ABL1: variants seen among roughly 807,000 people sequenced by gnomAD.
The protein encoded by ABL1 is tyrosine-protein kinase ABL1.
ABL1 carries 11 observed loss-of-function variants against 94.7 expected under a neutral mutation model. That is an observed-to-expected ratio of 0.12 (90% CI 0.07 to 0.19). The LOEUF (loss-of-function observed/expected upper bound fraction) is 0.19, where lower values mean the gene tolerates loss of function less well. Ranked by LOEUF, ABL1 falls within the 10% of genes least tolerant of loss-of-function variation. The probability of loss-of-function intolerance (pLI) is 1.00; values close to 1 mark genes in which losing one functional copy is unlikely to be tolerated. For synonymous variants in ABL1, 656 were observed against 622.4 expected (o/e 1.05, Z -0.80); for missense variants, 1,082 against 1,489.4 (o/e 0.73, Z 4.50).
At chr9:130,725,824 G>GTATTTTTTT (rs1831574389) in intron 1 of ABL1, among the ~76,000 whole-genome samples, 1 of 76,002 alleles carries the variant, frequency 1.3e-5, no homozygotes, top group Non-Finnish European at 2.4e-5. Flanking sequence ...GTGTATGGTG[G>GTATTTTTTT]TTTTTTTTTT....
At chr9:130,756,693 T>C (rs930913779) in intron 1 of ABL1, among the ~76,000 whole-genome samples, 4 of 152,186 alleles carry the variant, frequency 2.6e-5, no homozygotes, top group South Asian at 4.1e-4. Context: ...TCTTCAGATA[T>C]CTAAAAGAAA....
At chr9:130,855,927 T>C (rs1335274872) in intron 3 of ABL1, among the ~76,000 whole-genome samples, 1 of 152,108 alleles carries the variant, frequency 6.6e-6, no homozygotes, top group Non-Finnish European at 1.5e-5. Flanking sequence ...TTTGTTTGTT[T>C]GTTTTTGAGA....
intron 1 of ABL1, among the ~76,000 whole-genome samples, chr9:130,773,706 T>C (rs1357379772): frequency 6.8e-6 from 1 of 148,084 alleles, no homozygotes; most frequent in African/African-American, 2.5e-5. Context: ...GGTCTTAAAC[T>C]CATGGGCTCA....
intron 1 of ABL1, among the ~76,000 whole-genome samples, chr9:130,785,939 A>G (rs1829820182): frequency 1.3e-5 from 2 of 150,990 alleles, no homozygotes; most frequent in South Asian, 4.2e-4. Context: ...AAAAAAAAAA[A>G]AAAAAAAAAA....
chr9:130,762,794 C>T lies in ABL1; in HGVS notation c.136+48339C>T, dbSNP rs1405105340. ...GGTGTGGTAGCGGGTGCCTGTAGTC[C>T]CAGCTACTCGGGAGGCTGAGGCAGG... On this transcript the variant is annotated intron_variant, in intron 1 of 10. Transcript: ENST00000372348. 7.2e-5 allele frequency among the ~76,000 whole-genome samples: 11 copies of T among 151,930 alleles called. No individual in the cohort carries two copies. In the East Asian group the frequency reaches 1.7e-3, roughly 24 times the overall value.
At chr9:130,716,003 T>G (rs2132664349) in intron 1 of ABL1, among the ~76,000 whole-genome samples, 1 of 150,112 alleles carries the variant, frequency 6.7e-6, no homozygotes, top group Admixed American at 6.7e-5. Flanking sequence ...GCACTCACAG[T>G]TAAACAAACT....
chr9:130,798,137 A>C (rs1830004785), intron 1 of ABL1, among the ~76,000 whole-genome samples: 1 of 152,250 alleles, frequency 6.6e-6, no homozygotes, highest in Non-Finnish European at 1.5e-5. Context: ...AAACAAAATA[A>C]GAAAAATCTT....
chr9:130,880,257 G>T lies in ABL1; in HGVS notation c.1513+100G>T. On this transcript the variant is annotated intron_variant, in intron 9 of 10. Transcript: ENST00000318560. The surrounding 1 kb of genome is among the most constrained non-coding windows in gnomAD (Gnocchi z 4.4). ...GTTCACTTCCTGGTGAAAGTTCACA[G>T]ACCAGCCTGTCCTGAGACCAGAAAG... 1 of 1,330,516 alleles carries T rather than the reference G, an allele frequency of 7.5e-7. No individual in the cohort carries two copies. The allele number at this position is 1,330,516 out of a possible 1,614,324, so 82.4% of individuals were successfully genotyped here. A position where few individuals can be genotyped will look rare whatever the true frequency, so the allele number is the denominator to read the frequency against.
intron 1 of ABL1, among the ~76,000 whole-genome samples, chr9:130,792,205 C>A (rs542418835): frequency 6.6e-6 from 1 of 152,266 alleles, no homozygotes; most frequent in South Asian, 2.1e-4. Flanking sequence ...CCAGGACACA[C>A]CACCATTTAC....
chr9:130,778,629 T>C (rs1479350167), intron 1 of ABL1, among the ~76,000 whole-genome samples: 5 of 151,924 alleles, frequency 3.3e-5, no homozygotes, highest in Non-Finnish European at 7.4e-5. Flanking sequence ...TCCTCTGCTC[T>C]CCTTTGCCAA....
At position 130,850,406 on chromosome 9, in the gene ABL1, C is replaced by A. The variant is rs532002769; in HGVS notation, c.80-3658C>A. ...TAGTGAATGGCTCTAAGTTCTCCCT[C>A]CATCTGTAGGAAATTGAAGCTGGAA... On this transcript the variant is annotated intron_variant, in intron 1 of 10. Transcript: ENST00000318560. Among the ~76,000 whole-genome samples the A allele has an allele frequency of 2.6e-5, 4 of 152,300 alleles. No homozygotes were observed. In the South Asian group the frequency reaches 8.3e-4, roughly 32 times the overall value.
At chr9:130,785,143 T>C (rs1274829107) in intron 1 of ABL1, among the ~76,000 whole-genome samples, 4 of 152,220 alleles carry the variant, frequency 2.6e-5, no homozygotes, top group Non-Finnish European at 5.9e-5. Flanking sequence ...TGTTAGGCTT[T>C]GTCAACAGAG....
At chr9:130,716,860 C>T (rs948171174) in intron 1 of ABL1, among the ~76,000 whole-genome samples, 2 of 152,064 alleles carry the variant, frequency 1.3e-5, no homozygotes, top group African/African-American at 4.8e-5. Flanking sequence ...AAGCGATTCT[C>T]CTGCCTCAGC....
chr9:130,816,504 A>G (rs1830288158), intron 1 of ABL1, among the ~76,000 whole-genome samples: 1 of 149,228 alleles, frequency 6.7e-6, no homozygotes, highest in East Asian at 2.0e-4. Flanking sequence ...TGCAGCTCCC[A>G]GCCCCCAACC....
At chr9:130,714,260 C>G in exon 1 of ABL1, 3 of 1,502,808 alleles carry the variant, frequency 2.0e-6, no homozygotes, top group Non-Finnish European at 2.7e-6. Context: ...CCTCTACGCT[C>G]GCTGACCGTT....
intron 1 of ABL1, among the ~76,000 whole-genome samples, chr9:130,784,730 C>T (rs1327899845): frequency 6.6e-6 from 1 of 152,110 alleles, no homozygotes; most frequent in East Asian, 1.9e-4. Flanking sequence ...AGGGAACTGT[C>T]CTTGCTTCCT....
In ABL1 at chr9:130,887,104, C is replaced by T. The variant is rs1831598910; in HGVS notation, c.*1421C>T. 3 of 233,092 alleles carry T rather than the reference C, an allele frequency of 1.3e-5. No homozygotes were observed. The highest frequency in any genetic ancestry group is 3.6e-4 in the South Asian group (2 of 5,536). The allele number at this position is 233,092 out of a possible 1,614,324, so 14.4% of individuals were successfully genotyped here. On this transcript the variant is annotated 3_prime_UTR_variant, in exon 11 of 11. Transcript: ENST00000318560. ...TCCTGGACCTTGACAGAGCAGCTAA[C>T]TCCGAGAGCAGTGGGCAGGTGGCCG...
intron 1 of ABL1, among the ~76,000 whole-genome samples, chr9:130,846,760 G>A (rs1187068847): frequency 1.3e-5 from 2 of 152,206 alleles, no homozygotes; most frequent in Non-Finnish European, 2.9e-5. Flanking sequence ...CTGACTGTTC[G>A]CCAGCGTCTG....
At chr9:130,738,430 T>G (rs1831772938) in intron 1 of ABL1, among the ~76,000 whole-genome samples, 1 of 152,196 alleles carries the variant, frequency 6.6e-6, no homozygotes, top group Non-Finnish European at 1.5e-5. Flanking sequence ...TTTATATTTC[T>G]TGAAAAGCTC....
Sources: allele counts gnomAD v4.1 joint callset (sites outside exome capture counted in the v4.1 genomes callset), GRCh38; gene constraint gnomAD v4.1.1; non-coding constraint Gnocchi (gnomAD v3.1); transcripts MANE v1.5; gene names NCBI Gene and HGNC (gene_info 2026-07-23, HGNC 2026-07-21).